TMEM117: variants seen among roughly 807,000 people sequenced by gnomAD.
TMEM117 encodes transmembrane protein 117.
In TMEM117, 27 loss-of-function variants were observed where a neutral mutation model predicts 52.4. That is an observed-to-expected ratio of 0.51 (90% CI 0.38 to 0.71). The LOEUF (loss-of-function observed/expected upper bound fraction) is 0.71, where lower values mean the gene tolerates loss of function less well. Among genes scored for constraint, TMEM117 ranks in the 30% least tolerant of loss-of-function variants. The probability of loss-of-function intolerance (pLI) is 0.00; values close to 1 mark genes in which losing one functional copy is unlikely to be tolerated. For synonymous variants in TMEM117, 215 were observed against 206.3 expected, an observed-to-expected ratio of 1.04 and a Z score of -0.36; for missense variants, 556 against 630.5, an observed-to-expected ratio of 0.88 and a Z score of 1.26.
At chr12:44,063,387 T>G (rs1333680698) in intron 3 of TMEM117, among the ~76,000 whole-genome samples, 2 of 152,094 alleles carry the variant, frequency 1.3e-5, no homozygotes, top group Non-Finnish European at 2.9e-5. Flanking sequence ...CAAAGTAACC[T>G]CCAACACACT....
At chr12:43,845,686 TC>T (rs71435964) in intron 2 of TMEM117, among the ~76,000 whole-genome samples, 1 of 149,594 alleles carries the variant, frequency 6.7e-6, no homozygotes, top group Admixed American at 6.7e-5. Context: ...ATGCTATCCC[TC>T]CCCCCTCCCC....
intron 5 of TMEM117, among the ~76,000 whole-genome samples, chr12:44,247,437 A>T (rs1204990056): frequency 6.6e-6 from 1 of 152,202 alleles, no homozygotes; most frequent in Non-Finnish European, 1.5e-5. Context: ...TTTTATTTTT[A>T]AATTTATAAT....
At chr12:44,200,829 A>G (rs1949486110) in intron 4 of TMEM117, among the ~76,000 whole-genome samples, 1 of 152,166 alleles carries the variant, frequency 6.6e-6, no homozygotes, top group South Asian at 2.1e-4. Flanking sequence ...CCCTGGCACA[A>G]TGCGGGTAGA....
intron 6 of TMEM117, among the ~76,000 whole-genome samples, chr12:44,370,917 CAG>C (rs1951855888): frequency 6.6e-6 from 1 of 152,066 alleles, no homozygotes; most frequent in Admixed American, 6.5e-5. Flanking sequence ...GTGAACAAAA[CAG>C]AAAGAAATTC....
intron 4 of TMEM117, among the ~76,000 whole-genome samples, chr12:44,165,500 G>C (rs1430944358): frequency 6.6e-6 from 1 of 152,090 alleles, no homozygotes; most frequent in Non-Finnish European, 1.5e-5. Context: ...CACCTGTAAA[G>C]ACTCATATAC....
intron 3 of TMEM117, among the ~76,000 whole-genome samples, chr12:44,065,561 A>G (rs1395661877): frequency 6.6e-6 from 1 of 152,190 alleles, no homozygotes; most frequent in Non-Finnish European, 1.5e-5. Flanking sequence ...TTCATAGGGA[A>G]TTGTGAGTAT....
intron 6 of TMEM117, among the ~76,000 whole-genome samples, chr12:44,367,070 G>A (rs1245970347): frequency 6.6e-6 from 1 of 152,126 alleles, no homozygotes; most frequent in African/African-American, 2.4e-5. Flanking sequence ...AATCTCACAT[G>A]TCAGAGTCCT....
chr12:44,301,087 T>C (rs1269721221), intron 6 of TMEM117, among the ~76,000 whole-genome samples: 3 of 152,244 alleles, frequency 2.0e-5, no homozygotes, highest in Non-Finnish European at 2.9e-5. Context: ...TTAAAGTCAA[T>C]GGTATTAGTA....
At chr12:43,826,497 A>T in the TMEM117 span, among the ~76,000 whole-genome samples, 1 of 152,186 alleles carries the variant, frequency 6.6e-6, no homozygotes, top group Admixed American at 6.5e-5. Flanking sequence ...ATAGACTTCT[A>T]GAGTTGGGGA....
intron 4 of TMEM117, among the ~76,000 whole-genome samples, chr12:44,147,827 G>A (rs910042646): frequency 2.0e-5 from 3 of 151,830 alleles, no homozygotes; most frequent in Non-Finnish European, 4.4e-5. Flanking sequence ...AGCTACTCAG[G>A]AGGCTGAGGC....
intron 3 of TMEM117, among the ~76,000 whole-genome samples, chr12:44,051,723 G>C (rs7959602): frequency 0.016 from 2,422 of 152,198 alleles, 49 homozygotes; most frequent in African/African-American, 0.054. Context: ...AGAGAGGTGG[G>C]AATTTGTCTT....
At chr12:44,299,130 T>TTTTTA (rs1401381719) in intron 5 of TMEM117, among the ~76,000 whole-genome samples, 1 of 111,366 alleles carries the variant, frequency 9.0e-6, no homozygotes, top group Non-Finnish European at 1.7e-5. Flanking sequence ...GGCATTTAAT[T>TTTTTA]TTTTTTTTTT....
At chr12:44,220,813 G>C (rs1039243207) in intron 5 of TMEM117, among the ~76,000 whole-genome samples, 10 of 152,114 alleles carry the variant, frequency 6.6e-5, no homozygotes, top group African/African-American at 9.7e-5. Flanking sequence ...GCCAAAGCTA[G>C]AGAAATTTGG....
At chr12:44,391,292 C>G (rs957573063), downstream of TMEM117, among the ~76,000 whole-genome samples, 1 of 152,012 alleles carries the variant, frequency 6.6e-6, no homozygotes, top group African/African-American at 2.4e-5. Context: ...ATCTCATCAC[C>G]ACATGTCTAT....
At chr12:43,951,848 AC>A (rs1237940789) in intron 3 of TMEM117, among the ~76,000 whole-genome samples, 1 of 152,058 alleles carries the variant, frequency 6.6e-6, no homozygotes, top group Non-Finnish European at 1.5e-5. Flanking sequence ...TCTGGGTGAG[AC>A]CTCCAAACAG....
intron 3 of TMEM117, among the ~76,000 whole-genome samples, chr12:43,980,073 A>G (rs1266408862): frequency 2.0e-5 from 3 of 152,172 alleles, no homozygotes. Flanking sequence ...TTCTAATGAC[A>G]CTTGCCTAAG....
At chr12:44,260,424 C>A (rs1950307582) in intron 5 of TMEM117, among the ~76,000 whole-genome samples, 1 of 151,962 alleles carries the variant, frequency 6.6e-6, no homozygotes, top group South Asian at 2.1e-4. Flanking sequence ...TGAAATTGTA[C>A]CTAAAGGATG....
At chr12:43,887,096 T>A (rs1731429) in intron 2 of TMEM117, among the ~76,000 whole-genome samples, 29 of 152,106 alleles carry the variant, frequency 1.9e-4, no homozygotes, top group African/African-American at 5.1e-4. Flanking sequence ...TGACCCGCCC[T>A]CCTAGGCCTC....
intron 3 of TMEM117, among the ~76,000 whole-genome samples, chr12:43,965,316 A>G (rs1004703144): frequency 2.0e-4 from 30 of 152,194 alleles, no homozygotes; most frequent in African/African-American, 7.0e-4. Context: ...CATCACATGC[A>G]TTTCTCCTGA....
Sources: allele counts gnomAD v4.1 joint callset (sites outside exome capture counted in the v4.1 genomes callset), GRCh38; gene constraint gnomAD v4.1.1; transcripts MANE v1.5; gene names NCBI Gene and HGNC (gene_info 2026-07-23, HGNC 2026-07-21).